Variants in CCDC171 observed in about 807,000 individuals in gnomAD.
The protein encoded by CCDC171 is coiled-coil domain-containing protein 171.
In CCDC171, 177 loss-of-function variants were observed where a neutral mutation model predicts 168.2. That is an observed-to-expected ratio of 1.05 (90% CI 0.93 to 1.19). CCDC171 has a LOEUF of 1.19. CCDC171 is among the 50% of genes most tolerant of loss of function. The pLI is 0.00. For missense variants in CCDC171, 1,991 were observed against 1,539.0 expected (o/e 1.29, Z -4.91); for synonymous variants, 687 against 540.8 (o/e 1.27, Z -3.75).
At chr9:15,750,726 CAG>C (rs2055671183) in intron 18 of CCDC171, among the ~76,000 whole-genome samples, 1 of 152,182 alleles carries the variant, frequency 6.6e-6, no homozygotes. Context: ...CAAAATTCAA[CAG>C]CCCTTCATGC....
intron 4 of CCDC171, among the ~76,000 whole-genome samples, chr9:15,581,787 G>A (rs923154863): frequency 6.6e-6 from 1 of 151,990 alleles, no homozygotes; most frequent in African/African-American, 2.4e-5. Flanking sequence ...AACTCAAGAT[G>A]GATTAAAGAC....
intron 3 of CCDC171, among the ~76,000 whole-genome samples, chr9:15,981,778 C>T (rs578074152): frequency 1.3e-5 from 2 of 152,216 alleles, no homozygotes; most frequent in Admixed American, 6.5e-5. Flanking sequence ...TTTCTGGCTC[C>T]GTCTGTCTCT....
Position 15,657,184 on chromosome 9 carries a change from C to G in CCDC171, c.880C>G (p.His294Asp). The G allele has an allele frequency of 6.2e-7, 1 of 1,610,940 alleles. No individual in the cohort carries two copies. Among genetic ancestry groups the G allele is most frequent in the Non-Finnish European group, 8.5e-7 (1 of 1,177,740 alleles). Residue 294 changes from histidine (H) to aspartate (D), a missense_variant, in exon 8 of 26, where the codon CAT becomes GAT. Coordinates refer to ENST00000380701, the MANE Select transcript of CCDC171 (RefSeq NM_173550.4). The stretch of plus-strand genomic sequence containing the variant: ...AAACATTGAAGCAGAAAGAGCAGCG[C>G]ATTTGGAATCAAAATTTAATTCTGA... ...EENIEAERAA[H>D]LESKFNSEII...
At chr9:16,060,146 C>G (rs914923675) in intron 1 of CCDC171, among the ~76,000 whole-genome samples, 2 of 152,156 alleles carry the variant, frequency 1.3e-5, no homozygotes, top group African/African-American at 4.8e-5. Context: ...GCAGGGTCTT[C>G]TCTCTGAAGG....
At chr9:15,774,785 C>G (rs551541270) in intron 18 of CCDC171, among the ~76,000 whole-genome samples, 1 of 152,122 alleles carries the variant, frequency 6.6e-6, no homozygotes, top group Admixed American at 6.5e-5. Context: ...CAAAAAGGAA[C>G]GAAATAATGG....
intron 23 of CCDC171, among the ~76,000 whole-genome samples, chr9:15,857,992 T>C (rs2061411708): frequency 6.6e-6 from 1 of 151,946 alleles, no homozygotes; most frequent in Non-Finnish European, 1.5e-5. Context: ...TATATATATG[T>C]ATATATGTAT....
chr9:15,846,861 C>T lies in CCDC171; in HGVS notation c.3413+14C>T. ...CATGGCAGCCAAGTGAGCATTTGGACCTTGGGGAGATCACTTAAAACAGAC... is the reference window on the plus strand; with the variant it reads ...CATGGCAGCCAAGTGAGCATTTGGATCTTGGGGAGATCACTTAAAACAGAC... On this transcript the variant is annotated intron_variant, in intron 22 of 25. Transcript: ENST00000380701. 1.3e-6 allele frequency: 2 copies of T among 1,594,324 alleles called. No individual in the cohort carries two copies. Among genetic ancestry groups the T allele is most frequent in the Non-Finnish European group, 1.7e-6 (2 of 1,168,948 alleles).
intron 23 of CCDC171, among the ~76,000 whole-genome samples, chr9:15,858,235 G>T (rs1020878766): frequency 1.3e-5 from 2 of 151,858 alleles, no homozygotes; most frequent in East Asian, 3.9e-4. Flanking sequence ...GGCCAGGCTG[G>T]TCTCAAACTC....
chr9:15,676,291 T>C (rs539144584), intron 9 of CCDC171, among the ~76,000 whole-genome samples: 1 of 152,254 alleles, frequency 6.6e-6, no homozygotes, highest in Admixed American at 6.5e-5. Context: ...TTTTGCAAGG[T>C]TTTTAGCTTC....
intron 21 of CCDC171, among the ~76,000 whole-genome samples, chr9:15,791,719 G>A (rs1164603273): frequency 2.6e-5 from 4 of 152,138 alleles, no homozygotes; most frequent in African/African-American, 7.2e-5. Flanking sequence ...AACAGGGTCT[G>A]GAGTGGACCT....
chr9:15,868,648 GA>G (rs1356725397), intron 23 of CCDC171, among the ~76,000 whole-genome samples: 4 of 151,928 alleles, frequency 2.6e-5, no homozygotes, highest in Non-Finnish European at 4.4e-5. Context: ...CCAGACAATA[GA>G]TATAAAGAAA....
intron 25 of CCDC171, among the ~76,000 whole-genome samples, chr9:15,959,310 A>G (rs995251843): frequency 5.9e-5 from 9 of 152,124 alleles, no homozygotes; most frequent in East Asian, 1.9e-4. Flanking sequence ...GATTCTGCCT[A>G]TGTCCCACAA....
chr9:15,624,839 C>G (rs1380947891), intron 7 of CCDC171, among the ~76,000 whole-genome samples: 1 of 152,098 alleles, frequency 6.6e-6, no homozygotes, highest in Non-Finnish European at 1.5e-5. Context: ...GTAATGGGAT[C>G]ACTGGGTTAA....
At chr9:16,107,732 G>A in the CCDC171 span, among the ~76,000 whole-genome samples, 1 of 151,976 alleles carries the variant, frequency 6.6e-6, no homozygotes, top group Non-Finnish European at 1.5e-5. Context: ...TATAAACAAT[G>A]ACTTTCTTGA....
chr9:15,728,531 T>C (rs539092956), intron 15 of CCDC171, among the ~76,000 whole-genome samples: 1 of 152,262 alleles, frequency 6.6e-6, no homozygotes, highest in African/African-American at 2.4e-5. Flanking sequence ...TACAACAAAA[T>C]GTATATTAGA....
At chr9:15,806,030 G>A (rs775243657) in intron 21 of CCDC171, among the ~76,000 whole-genome samples, 1 of 152,064 alleles carries the variant, frequency 6.6e-6, no homozygotes, top group Non-Finnish European at 1.5e-5. Context: ...TCTAAAGTCT[G>A]TTTTGTCAGA....
the CCDC171 span, among the ~76,000 whole-genome samples, chr9:16,094,283 A>G: frequency 6.6e-6 from 1 of 152,260 alleles, no homozygotes; most frequent in Non-Finnish European, 1.5e-5. Context: ...TCTAAAATTT[A>G]CAATGTTGAC....
At position 15,906,822 on chromosome 9, in the gene CCDC171, A is replaced by C. The variant is rs190589399; in HGVS notation, c.3601-13448A>C. On this transcript the variant is annotated intron_variant, in intron 24 of 25. Transcript: ENST00000380701. Reference sequence around the variant, plus strand: ...CTTAAGCTGATAAGCGACTTCAGCAAAGTCTCTGGATACAAAATCAATGTG... The same window carrying C: ...CTTAAGCTGATAAGCGACTTCAGCACAGTCTCTGGATACAAAATCAATGTG... Among the ~76,000 whole-genome samples, 5 of 152,220 alleles carry C rather than the reference A, an allele frequency of 3.3e-5. No individual in the cohort carries two copies. The East Asian group carries it at 5.8e-4, about 18-fold the overall frequency.
At chr9:15,641,950 G>C (rs148517325) in intron 7 of CCDC171, among the ~76,000 whole-genome samples, 1 of 152,104 alleles carries the variant, frequency 6.6e-6, no homozygotes, top group Non-Finnish European at 1.5e-5. Context: ...GATCACTTGA[G>C]GTCAAGAGTC....
Sources: gnomAD v4.1 joint callset for allele counts (sites outside exome capture counted in the v4.1 genomes callset) on GRCh38, gnomAD v4.1.1 for gene constraint, MANE v1.5 for transcripts, NCBI Gene and HGNC (gene_info 2026-07-23, HGNC 2026-07-21) for gene names.